Variants in ZNF778 observed in about 807,000 individuals in gnomAD.
ZNF778 encodes zinc finger protein 778.
Under a neutral mutation model 23.9 loss-of-function variants are expected in ZNF778, and 37 were observed. The observed-to-expected ratio is 1.54, with a 90% CI of 1.19 to 2.03. The LOEUF (loss-of-function observed/expected upper bound fraction) is 2.03, where lower values mean the gene tolerates loss of function less well. Ranked by LOEUF, ZNF778 falls within the 30% of genes most tolerant of loss-of-function variation. The pLI is 0.00. For synonymous variants in ZNF778, 483 were observed against 343.9 expected (o/e 1.40, Z -4.48); for missense variants, 1,297 against 934.4 (o/e 1.39, Z -5.06).
At position 89,228,123 on chromosome 16, in the gene ZNF778, C is replaced by A; in HGVS notation, c.1835C>A (p.Thr612Asn). The A allele has an allele frequency of 1.9e-6, 3 of 1,613,178 alleles. No individual in the cohort carries two copies. Among genetic ancestry groups the A allele is most frequent in the Non-Finnish European group, 2.5e-6 (3 of 1,179,294 alleles). ...SSLTEHIRTH[T>N]GEKPYECKVC... is the part of the protein sequence containing the mutation. ...CTAACCGAGCACATACGAACTCACA[C>A]TGGAGAGAAACCTTATGAATGTAAA... The change falls in exon 7 of 7, where the codon ACT becomes AAT. Residue 612 changes from threonine (T) to asparagine (N), a missense_variant. Coordinates refer to ENST00000433976, the MANE Select transcript of ZNF778 (RefSeq NM_001201407.2).
intron 1 of ZNF778, among the ~76,000 whole-genome samples, chr16:89,219,564 G>A (rs4785613): frequency 0.8 from 121,465 of 152,164 alleles, 50,984 homozygotes; most frequent in Non-Finnish European, 0.92. Flanking sequence ...ATAGATGACC[G>A]TTTAGAGGGT....
Position 89,226,700 on chromosome 16 carries a change from A to G in ZNF778, c.412A>G (p.Ser138Gly). The G allele has an allele frequency of 6.2e-7, 1 of 1,608,102 alleles. No individual in the cohort carries two copies. The highest frequency in any genetic ancestry group is 1.1e-5 in the South Asian group (1 of 90,662). ...ACTCATTCTTCACCAACAGGCAAGAAGCCACAATGGAGGGCAGCTCTGTGA... is the reference window on the plus strand; with the variant it reads ...ACTCATTCTTCACCAACAGGCAAGAGGCCACAATGGAGGGCAGCTCTGTGA... ...RASNETQTARSHNGGQLCDRT... is the reference protein window; with the variant it reads ...RASNETQTARGHNGGQLCDRT... Residue 138 changes from serine to glycine, a missense_variant, in exon 7 of 7, where the codon AGC (serine) becomes GGC (glycine). Ser to Gly is a moderately conservative substitution (Grantham distance 56). Coordinates refer to ENST00000433976, the MANE Select transcript of ZNF778 (RefSeq NM_001201407.2).
chr16:89,231,654 C>T lies in ZNF778; in HGVS notation c.*3092C>T, dbSNP rs1278148647. ...ATCCTGGTGTAATCTCAACCAAAACCCACAGCCCTGCACCCCTTGCCTGTA... is the reference window on the plus strand; with the variant it reads ...ATCCTGGTGTAATCTCAACCAAAACTCACAGCCCTGCACCCCTTGCCTGTA... On this transcript the variant is annotated 3_prime_UTR_variant, in exon 7 of 7. Coordinates refer to ENST00000433976, the MANE Select transcript of ZNF778 (RefSeq NM_001201407.2). 6.6e-6 allele frequency: 1 copy of T among 152,172 alleles called. No individual in the cohort carries two copies. The highest frequency in any genetic ancestry group is 1.5e-5 in the Non-Finnish European group (1 of 68,050). The allele number at this position is 152,172 out of a possible 1,614,324, so 9.4% of individuals were successfully genotyped here.
intron 1 of ZNF778, among the ~76,000 whole-genome samples, chr16:89,220,008 C>T (rs765630208): frequency 1.3e-5 from 2 of 152,172 alleles, no homozygotes; most frequent in Non-Finnish European, 2.9e-5. Flanking sequence ...TGTTCATTTT[C>T]TGTTCACTGT....
In ZNF778 at chr16:89,236,566, C is replaced by G. The variant is rs1189303493; in HGVS notation, c.*8004C>G. ...ACCTGAGTAAATAGATCAGATCATT[C>G]TACTCTTGAGTTCTTTAAAATATAT... is the stretch of plus-strand genomic sequence containing the variant. On this transcript the variant is annotated 3_prime_UTR_variant, in exon 7 of 7. Transcript: ENST00000433976. 2.6e-5 allele frequency: 4 copies of G among 152,156 alleles called. No individual in the cohort carries two copies. Among genetic ancestry groups the G allele is most frequent in the African/African-American group, 9.7e-5 (4 of 41,434 alleles). The allele number at this position is 152,156 out of a possible 1,614,324, so 9.4% of individuals were successfully genotyped here.
At chr16:89,224,550 C>G in intron 4 of ZNF778, 169 bp from the exon 5 acceptor site, 1 of 521,496 alleles carries the variant, frequency 1.9e-6, no homozygotes, top group South Asian at 2.2e-5. Flanking sequence ...ACCCAGGAGG[C>G]AGACGTTGCA....
At chr16:89,225,694 T>C in intron 6 of ZNF778, 63 bp downstream of exon 6, 1 of 1,443,314 alleles carries the variant, frequency 6.9e-7, no homozygotes, top group Non-Finnish European at 9.6e-7. Context: ...AATTCCACTA[T>C]AGAAAATGAG....
intron 6 of ZNF778, among the ~76,000 whole-genome samples, chr16:89,226,287 C>G (rs1304729519): frequency 6.6e-6 from 1 of 152,100 alleles, no homozygotes; most frequent in East Asian, 1.9e-4. Context: ...CTCGCCGCAA[C>G]CTCTGCCTCC....
At chr16:89,226,561 G>A (rs1315149515) in intron 6 of ZNF778, 133 bp from the exon 7 acceptor site, 4 of 728,784 alleles carry the variant, frequency 5.5e-6, no homozygotes, top group African/African-American at 1.8e-5. Context: ...GACATCTACA[G>A]GGCAGGAGCT....
chr16:89,218,489 C>T (rs1171963424), intron 1 of ZNF778, among the ~76,000 whole-genome samples: 1 of 152,244 alleles, frequency 6.6e-6, no homozygotes, highest in Admixed American at 6.5e-5. Context: ...ATTAGTATTT[C>T]ATCTAAGAAA....
chr16:89,228,855 T>C lies in ZNF778; in HGVS notation c.*293T>C, dbSNP rs1346608734. ...TGCTCAGTACTTTGATGATCCCTTG[T>C]GATCTCACAATGAAGAAAAACCTTA... is the stretch of plus-strand genomic sequence containing the variant. On this transcript the variant is annotated 3_prime_UTR_variant, in exon 7 of 7. Transcript: ENST00000433976. 1.6e-5 allele frequency: 18 copies of C among 1,094,338 alleles called. No homozygotes were observed. The highest frequency in any genetic ancestry group is 4.7e-5 in the Admixed American group (1 of 21,358). 67.8% of individuals were successfully genotyped at this position (1,094,338 alleles called of 1,614,324 possible).
Position 89,234,030 on chromosome 16 carries a change from C to A in ZNF778, c.*5468C>A. 4.0e-6 allele frequency: 4 copies of A among 1,008,452 alleles called. No homozygotes were observed. The highest frequency in any genetic ancestry group is 5.5e-6 in the Non-Finnish European group (4 of 732,122). The allele number at this position is 1,008,452 out of a possible 1,614,324, so 62.5% of individuals were successfully genotyped here. On this transcript the variant is annotated 3_prime_UTR_variant, in exon 7 of 7. Transcript: ENST00000433976. ...CCTGTGAAAACCCTGTGGCCTCTGC[C>A]TCCCCTGGCTCTGACTTCTGCCTCC...
chr16:89,220,785 C>T (rs1236606647), intron 1 of ZNF778, among the ~76,000 whole-genome samples: 1 of 152,178 alleles, frequency 6.6e-6, no homozygotes, highest in Non-Finnish European at 1.5e-5. Context: ...GGTATGAACA[C>T]GGGTGAAATC....
chr16:89,225,570 C>G lies in ZNF778; in HGVS notation c.344C>G (p.Thr115Ser). The G allele has an allele frequency of 1.2e-6, 2 of 1,607,490 alleles. No individual in the cohort carries two copies. Among genetic ancestry groups the G allele is most frequent in the African/African-American group, 1.3e-5 (1 of 74,506 alleles). Residue 115 changes from threonine (T) to serine (S), a missense_variant, in exon 6 of 7, where the codon ACC (threonine) becomes AGC (serine). Transcript: ENST00000433976. Reference protein sequence around the residue: ...RAVLQEWRLKTKGPALRQDRS... With the variant: ...RAVLQEWRLKSKGPALRQDRS... Reference sequence around the variant, plus strand: ...TTCTTTTCAGAATGGCGACTTAAAACCAAAGGGCCAGCACTTCGGCAGGAT... The same window carrying G: ...TTCTTTTCAGAATGGCGACTTAAAAGCAAAGGGCCAGCACTTCGGCAGGAT...
At chr16:89,222,556 G>A (rs1356527415) in intron 3 of ZNF778, among the ~76,000 whole-genome samples, 1 of 152,174 alleles carries the variant, frequency 6.6e-6, no homozygotes, top group Non-Finnish European at 1.5e-5. Flanking sequence ...TAGAGACGGG[G>A]TTTTGCCATG....
rs867287095 is a variant in ZNF778, at chr16:89,233,710, C to T, written c.*5148C>T. ...AACTTACTGCATATGCAACTCAACT[C>T]ACTGCGTATGCAACTCAACTCGCAC... On this transcript the variant is annotated 3_prime_UTR_variant, in exon 7 of 7. Transcript: ENST00000433976. The T allele has an allele frequency of 2.5e-6, 3 of 1,177,894 alleles. No individual in the cohort carries two copies. The highest frequency in any genetic ancestry group is 2.2e-6 in the Non-Finnish European group (2 of 912,922). 73.0% of individuals were successfully genotyped at this position (1,177,894 alleles called of 1,614,324 possible).
chr16:89,224,876 G>C (rs983308043), intron 5 of ZNF778, 74 bp downstream of exon 5: 10 of 1,060,550 alleles, frequency 9.4e-6, no homozygotes, highest in East Asian at 5.2e-5. Flanking sequence ...CAAGTTTAGC[G>C]GCTATGGAAG....
Position 89,234,123 on chromosome 16 carries a change from G to A in ZNF778, c.*5561G>A. The A allele has an allele frequency of 2.1e-6, 1 of 481,684 alleles. No individual in the cohort carries two copies. The highest frequency in any genetic ancestry group is 3.9e-6 in the Non-Finnish European group (1 of 255,354). The allele number at this position is 481,684 out of a possible 1,614,324, so 29.8% of individuals were successfully genotyped here. A position where few individuals can be genotyped will look rare whatever the true frequency, so the allele number is the denominator to read the frequency against. Reference sequence around the variant, plus strand: ...GTGCCGCCTTCTCTTGACACTGTGAGTGATAAACTTTCCATGTCAGGAACC... The same window carrying A: ...GTGCCGCCTTCTCTTGACACTGTGAATGATAAACTTTCCATGTCAGGAACC... On this transcript the variant is annotated 3_prime_UTR_variant, in exon 7 of 7. Coordinates refer to ENST00000433976, the MANE Select transcript of ZNF778 (RefSeq NM_001201407.2).
At position 89,232,644 on chromosome 16, in the gene ZNF778, T is replaced by TG. The variant is rs1555516905; in HGVS notation, c.*4082_*4083insG. The TG allele has an allele frequency of 0.028, 30,331 of 1,072,058 alleles. 1,780 individuals are homozygous for TG. The African/African-American group carries it at 0.35, about 12-fold the overall frequency. The allele number at this position is 1,072,058 out of a possible 1,614,324, so 66.4% of individuals were successfully genotyped here. On this transcript the variant is annotated 3_prime_UTR_variant, in exon 7 of 7. Coordinates refer to ENST00000433976, the MANE Select transcript of ZNF778 (RefSeq NM_001201407.2). ...AAAGGACCAATTGTATTAATTATGT[T>TG]TTTTTTTTTTTTGTTAGGGTACATT...
Sources: allele counts gnomAD v4.1 joint callset (sites outside exome capture counted in the v4.1 genomes callset), GRCh38; gene constraint gnomAD v4.1.1; transcripts MANE v1.5; gene names NCBI Gene and HGNC (gene_info 2026-07-23, HGNC 2026-07-21).